RUBCN: variants seen among roughly 807,000 people sequenced by gnomAD.
RUBCN encodes run domain Beclin-1-interacting and cysteine-rich domain-containing protein.
RUBCN carries 74 observed loss-of-function variants against 113.2 expected under a neutral mutation model. That is an observed-to-expected ratio of 0.65 (90% CI 0.54 to 0.79). RUBCN has a LOEUF of 0.79. RUBCN is among the 30% of genes least tolerant of loss of function. RUBCN has a pLI of 0.00. For synonymous variants in RUBCN, 480 were observed against 490.0 expected (o/e 0.98, Z 0.27); for missense variants, 1,109 against 1,251.7 (o/e 0.89, Z 1.72).
At chr3:197,719,235 G>A (rs1040398587) in intron 1 of RUBCN, among the ~76,000 whole-genome samples, 12 of 152,132 alleles carry the variant, frequency 7.9e-5, no homozygotes, top group Non-Finnish European at 1.3e-4. Context: ...CCAGCAATTT[G>A]GGAGGCTGAG....
intron 1 of RUBCN, among the ~76,000 whole-genome samples, chr3:197,748,956 C>T (rs940726558): frequency 1.3e-5 from 2 of 152,124 alleles, no homozygotes; most frequent in Admixed American, 6.5e-5. Flanking sequence ...AGAAAGGCGA[C>T]AGAGATTTCT....
rs773808587 is a variant in RUBCN, at chr3:197,683,349, C to T, written c.1938G>A (p.Ser646=). Residue 646 remains serine (S), a synonymous_variant, in exon 13 of 20, where the codon TCG becomes TCA. Transcript: ENST00000296343. This position sits in a 1 kb window ranked among gnomAD's most constrained non-coding sequence, Gnocchi z 4.6. The part of the protein sequence containing the change: ...QFEGMQLPAA[S]ELEWLVPEHD... Reference sequence around the variant, plus strand: ...GCTCCGGGACAAGCCACTCCAGCTCCGAGGCGGCTGGAAGCTGCATCCCCT... The same window carrying T: ...GCTCCGGGACAAGCCACTCCAGCTCTGAGGCGGCTGGAAGCTGCATCCCCT... 42 of 1,614,052 alleles carry T rather than the reference C, an allele frequency of 2.6e-5. No individual in the cohort carries two copies. Among genetic ancestry groups the T allele is most frequent in the Admixed American group, 2.2e-4 (13 of 59,998 alleles).
chr3:197,733,963 G>A (rs1727814448), intron 1 of RUBCN, among the ~76,000 whole-genome samples: 1 of 152,046 alleles, frequency 6.6e-6, no homozygotes, highest in African/African-American at 2.4e-5. Flanking sequence ...AGTATTAAAA[G>A]TACAGACTCG....
intron 16 of RUBCN, among the ~76,000 whole-genome samples, chr3:197,677,905 G>T (rs1242341162): frequency 1.3e-5 from 2 of 148,316 alleles, no homozygotes; most frequent in Non-Finnish European, 3.0e-5. Context: ...GCTTCAGACT[G>T]TCCCACACTC....
intron 1 of RUBCN, among the ~76,000 whole-genome samples, chr3:197,743,968 A>C (rs891386748): frequency 1.3e-5 from 2 of 152,078 alleles, no homozygotes; most frequent in Non-Finnish European, 2.9e-5. Context: ...TGGGTGACAG[A>C]GTGAGACTCT....
intron 18 of RUBCN, chr3:197,676,462 C>T (rs1720437500): frequency 9.9e-6 from 6 of 603,906 alleles, no homozygotes; most frequent in Admixed American, 1.0e-4. Context: ...TACAGGCACC[C>T]GCCATCATGC....
intron 7 of RUBCN, 72 bp downstream of exon 7, chr3:197,700,541 C>T: frequency 6.8e-7 from 1 of 1,471,598 alleles, no homozygotes; most frequent in Non-Finnish European, 9.5e-7. Flanking sequence ...CCTGAAAAGT[C>T]CCCATAACAA....
At chr3:197,716,588 G>A (rs1222429863) in intron 2 of RUBCN, among the ~76,000 whole-genome samples, 1 of 152,150 alleles carries the variant, frequency 6.6e-6, no homozygotes, top group Non-Finnish European at 1.5e-5. Flanking sequence ...CCTGGCTGTG[G>A]TTGGCTAAGA....
intron 1 of RUBCN, among the ~76,000 whole-genome samples, chr3:197,747,736 G>A (rs1728810638): frequency 6.6e-6 from 1 of 152,112 alleles, no homozygotes; most frequent in Non-Finnish European, 1.5e-5. Context: ...AGGTGAATGT[G>A]GAGAAAAATG....
intron 1 of RUBCN, among the ~76,000 whole-genome samples, chr3:197,746,373 A>G (rs1292139702): frequency 1.3e-5 from 2 of 152,178 alleles, no homozygotes; most frequent in African/African-American, 4.8e-5. Context: ...TAATGTTCTC[A>G]GGGGTCTTAT....
rs1191297573 is a variant in RUBCN, at chr3:197,671,480, C to T, written c.*3538G>A. The T allele has an allele frequency of 2.0e-5, 3 of 152,148 alleles. No individual in the cohort carries two copies. Among genetic ancestry groups the T allele is most frequent in the African/African-American group, 7.2e-5 (3 of 41,434 alleles). The allele number at this position is 152,148 out of a possible 1,614,324, so 9.4% of individuals were successfully genotyped here. A position where few individuals can be genotyped will look rare whatever the true frequency, so the allele number is the denominator to read the frequency against. On this transcript the variant is annotated 3_prime_UTR_variant, in exon 20 of 20. Coordinates refer to ENST00000296343, the MANE Select transcript of RUBCN (RefSeq NM_014687.4). ...TTGATGACAGGGAGTAGGAATGAGACGATGCGTGATGAGCTCAGTGTGCCA... is the reference window on the plus strand; with the variant it reads ...TTGATGACAGGGAGTAGGAATGAGATGATGCGTGATGAGCTCAGTGTGCCA...
At chr3:197,703,523 G>T in intron 5 of RUBCN, 25 bp downstream of exon 5, 1 of 1,517,892 alleles carries the variant, frequency 6.6e-7, no homozygotes, top group Non-Finnish European at 9.1e-7. Flanking sequence ...CAGCATAGAC[G>T]TGGATAATTC....
chr3:197,705,358 A>C (rs549947942), intron 2 of RUBCN, among the ~76,000 whole-genome samples, 183 bp from the exon 3 acceptor site: 2 of 152,154 alleles, frequency 1.3e-5, no homozygotes, highest in East Asian at 3.9e-4. Context: ...TAAACCCAGC[A>C]CTTCAGGAGG....
At chr3:197,699,888 A>T (rs752153768) in intron 7 of RUBCN, among the ~76,000 whole-genome samples, 10 of 152,136 alleles carry the variant, frequency 6.6e-5, no homozygotes, top group Non-Finnish European at 1.3e-4. Context: ...TTGAGCACAA[A>T]GCTCCATGCT....
chr3:197,720,730 T>G (rs1412567141), intron 1 of RUBCN, among the ~76,000 whole-genome samples: 1 of 152,144 alleles, frequency 6.6e-6, no homozygotes, highest in Admixed American at 6.6e-5. Context: ...TAAGTTGATT[T>G]CATACCTTGG....
chr3:197,748,630 A>G (rs989333270), intron 1 of RUBCN, among the ~76,000 whole-genome samples: 3 of 152,230 alleles, frequency 2.0e-5, no homozygotes, highest in African/African-American at 4.8e-5. Context: ...GGTTTTATCC[A>G]TGCTACATAT....
rs778788122 is a variant in RUBCN at position 197,694,466 on chromosome 3, C to T, written c.1593G>A (p.Glu531=). The T allele has an allele frequency of 6.2e-7, 1 of 1,614,194 alleles. No homozygotes were observed. The highest frequency in any genetic ancestry group is 8.5e-7 in the Non-Finnish European group (1 of 1,180,040). The change falls in exon 10 of 20, where the codon GAG becomes GAA. Residue 531 remains glutamate (E), a synonymous_variant. Coordinates refer to ENST00000296343, the MANE Select transcript of RUBCN (RefSeq NM_014687.4). Reference sequence around the variant, plus strand: ...GGATCTTCTGCTTCAGCTCCTGGATCTCTCTATCACTGTCTTCCTCTTCCA... The same window carrying T: ...GGATCTTCTGCTTCAGCTCCTGGATTTCTCTATCACTGTCTTCCTCTTCCA... ...EEVEEEDSDR[E]IQELKQKIRL...
At position 197,735,482 on chromosome 3, in the gene RUBCN, C is replaced by A. The variant is rs185011455; in HGVS notation, c.65+1173G>T. Among the ~76,000 whole-genome samples, 77 of 152,332 alleles carry A rather than the reference C, an allele frequency of 5.1e-4. No individual in the cohort carries two copies. The East Asian group carries it at 0.014, about 29-fold the overall frequency. On this transcript the variant is annotated intron_variant, in intron 1 of 19. Transcript: ENST00000296343. ...CTGCTCTCGCCTGTCAGCATTCCAG[C>A]CTCTTTAAAAAAGATTAAGACCAGA...
intron 2 of RUBCN, among the ~76,000 whole-genome samples, chr3:197,712,005 A>G (rs1455981562): frequency 3.9e-5 from 6 of 152,144 alleles, no homozygotes; most frequent in Admixed American, 3.9e-4. Context: ...TGAATTTTCA[A>G]CAAAGAAAAT....
Sources: allele counts gnomAD v4.1 joint callset (sites outside exome capture counted in the v4.1 genomes callset), GRCh38; gene constraint gnomAD v4.1.1; non-coding constraint Gnocchi (gnomAD v3.1); transcripts MANE v1.5; gene names NCBI Gene and HGNC (gene_info 2026-07-23, HGNC 2026-07-21).